GNG11: variants seen among roughly 807,000 people sequenced by gnomAD.
GNG11 encodes guanine nucleotide-binding protein G(I)/G(S)/G(O) subunit gamma-11.
GNG11 carries 6 observed loss-of-function variants against 7.4 expected under a neutral mutation model. The ratio of observed to expected loss-of-function variants is 0.81; its 90% CI spans 0.44 to 1.60. The LOEUF (loss-of-function observed/expected upper bound fraction) is 1.60. Among genes scored for constraint, GNG11 ranks in the 40% most tolerant of loss-of-function variants. GNG11 has a pLI of 0.01. For missense variants in GNG11, 65 were observed against 83.0 expected (o/e 0.78, Z 0.84); for synonymous variants, 31 against 25.9 (o/e 1.20, Z -0.60).
In GNG11 at chr7:93,921,876, AC is replaced by A; in HGVS notation, c.-259del. 1 of 319,420 alleles carries A rather than the reference AC, an allele frequency of 3.1e-6. No homozygotes were observed. Among genetic ancestry groups the A allele is most frequent in the Non-Finnish European group, 5.7e-6 (1 of 174,568 alleles). The allele number at this position is 319,420 out of a possible 1,614,324, so 19.8% of individuals were successfully genotyped here. A position where few individuals can be genotyped will look rare whatever the true frequency, so the allele number is the denominator to read the frequency against. On this transcript the variant is annotated 5_prime_UTR_variant, in exon 1 of 2. Transcript: ENST00000248564. ...GTCTCAAACTTAACCCTCATCTAGC[AC>A]CCGGGCAGGCCTCCTGGGTTGCAGG...
Position 93,928,527 on chromosome 7 carries a change from T to C in GNG11, c.*2311T>C, listed in dbSNP as rs1794712109. 2.0e-5 allele frequency: 3 copies of C among 152,378 alleles called. No homozygotes were observed. Among genetic ancestry groups the C allele is most frequent in the African/African-American group, 7.2e-5 (3 of 41,586 alleles). The allele number at this position is 152,378 out of a possible 1,614,324, so 9.4% of individuals were successfully genotyped here. A position where few individuals can be genotyped will look rare whatever the true frequency, so the allele number is the denominator to read the frequency against. On this transcript the variant is annotated 3_prime_UTR_variant, in exon 2 of 2. Coordinates refer to ENST00000248564, the MANE Select transcript of GNG11 (RefSeq NM_004126.4). ...CTTTGGTGACTGATAATTTGTTAAGTAGAATTTAAATTATGTATCCAATTT... is the reference window on the plus strand; with the variant it reads ...CTTTGGTGACTGATAATTTGTTAAGCAGAATTTAAATTATGTATCCAATTT...
Position 93,926,290 on chromosome 7 carries a change from T to A in GNG11, c.*74T>A, listed in dbSNP as rs1406434708. 25 of 1,118,004 alleles carry A rather than the reference T, an allele frequency of 2.2e-5. No homozygotes were observed. The Middle Eastern group carries it at 6.2e-4, about 28-fold the overall frequency. The allele number at this position is 1,118,004 out of a possible 1,614,324, so 69.3% of individuals were successfully genotyped here. On this transcript the variant is annotated 3_prime_UTR_variant, in exon 2 of 2. Transcript: ENST00000248564. Reference sequence around the variant, plus strand: ...GTTTTCCCAGATAAAACCAACATGCTTTTTAAGGAAGGAAGAATGAAATTA... The same window carrying A: ...GTTTTCCCAGATAAAACCAACATGCATTTTAAGGAAGGAAGAATGAAATTA...
intron 1 of GNG11, 147 bp downstream of exon 1, chr7:93,922,380 G>C: frequency 2.0e-6 from 1 of 488,402 alleles, no homozygotes; most frequent in Non-Finnish European, 3.8e-6. Flanking sequence ...AGTGCCTGGG[G>C]ACTGCCAGCT....
At chr7:93,922,324 T>C in intron 1 of GNG11, 91 bp downstream of exon 1, 1 of 693,974 alleles carries the variant, frequency 1.4e-6, no homozygotes, top group Non-Finnish European at 2.4e-6. Flanking sequence ...ATAGTTTAGC[T>C]TATTTTTCCC....
rs780472028 is a variant in GNG11, at chr7:93,922,192, G to A, written c.55G>A (p.Val19Ile). 1.5e-5 allele frequency: 24 copies of A among 1,596,362 alleles called. No individual in the cohort carries two copies. The highest frequency in any genetic ancestry group is 1.9e-5 in the Non-Finnish European group (22 of 1,168,096). ...LPEKEKLKME[V>I]EQLRKEVKLQ... is the part of the protein sequence containing the mutation. Reference sequence around the variant, plus strand: ...AGAGAAGGAAAAACTGAAAATGGAAGTTGAGCAGCTTCGCAAAGAAGTGAA... The same window carrying A: ...AGAGAAGGAAAAACTGAAAATGGAAATTGAGCAGCTTCGCAAAGAAGTGAA... Residue 19 changes from valine to isoleucine, a missense_variant, in exon 1 of 2, where the codon GTT (valine) becomes ATT (isoleucine). Val to Ile is a conservative substitution (Grantham distance 29). Transcript: ENST00000248564.
At chr7:93,922,623 A>G (rs568697846) in intron 1 of GNG11, among the ~76,000 whole-genome samples, 1 of 152,304 alleles carries the variant, frequency 6.6e-6, no homozygotes, top group Admixed American at 6.5e-5. Flanking sequence ...ATTTTCTAAA[A>G]CCGTATTTTA....
chr7:93,922,266 T>C (rs1171122173), intron 1 of GNG11, 33 bp downstream of exon 1: 2 of 1,302,396 alleles, frequency 1.5e-6, no homozygotes, highest in Non-Finnish European at 2.2e-6. Flanking sequence ...TTTCCTTCTC[T>C]GAAATGAAGC....
intron 1 of GNG11, among the ~76,000 whole-genome samples, chr7:93,923,766 A>G (rs921676118): frequency 6.6e-6 from 1 of 152,192 alleles, no homozygotes; most frequent in Non-Finnish European, 1.5e-5. Flanking sequence ...ATCATTCATT[A>G]GCAGTTTCTC....
In GNG11 at chr7:93,927,303, A is replaced by C. The variant is rs570991258; in HGVS notation, c.*1087A>C. The C allele has an allele frequency of 4.6e-5, 7 of 152,308 alleles. 2 individuals are homozygous for C. The highest frequency in any genetic ancestry group is 1.7e-4 in the African/African-American group (7 of 41,556). The allele number at this position is 152,308 out of a possible 1,614,324, so 9.4% of individuals were successfully genotyped here. A position where few individuals can be genotyped will look rare whatever the true frequency, so the allele number is the denominator to read the frequency against. On this transcript the variant is annotated 3_prime_UTR_variant, in exon 2 of 2. Coordinates refer to ENST00000248564, the MANE Select transcript of GNG11 (RefSeq NM_004126.4). ...CTTCCCTTCAGTGGTTTTATCCTGC[A>C]GGGCAACACGTCAGAGTATAACTCC...
At position 93,926,960 on chromosome 7, in the gene GNG11, T is replaced by TA. The variant is rs1427402871; in HGVS notation, c.*745dup. The TA allele has an allele frequency of 4.6e-5, 7 of 152,274 alleles. No individual in the cohort carries two copies. Among genetic ancestry groups the TA allele is most frequent in the African/African-American group, 1.7e-4 (7 of 41,472 alleles). The allele number at this position is 152,274 out of a possible 1,614,324, so 9.4% of individuals were successfully genotyped here. A position where few individuals can be genotyped will look rare whatever the true frequency, so the allele number is the denominator to read the frequency against. ...AGCCCTGGCTTTGAGAGCCAGTACT[T>TA]ATTCCTGCACAGAGCTACATCTCCC... On this transcript the variant is annotated 3_prime_UTR_variant, in exon 2 of 2. Coordinates refer to ENST00000248564, the MANE Select transcript of GNG11 (RefSeq NM_004126.4).
intron 1 of GNG11, 118 bp from the exon 2 acceptor site, chr7:93,925,973 A>G (rs1489998878): frequency 2.5e-6 from 1 of 397,416 alleles, no homozygotes; most frequent in Non-Finnish European, 4.5e-6. Flanking sequence ...ATATATATGT[A>G]AATGTAAAAA....
chr7:93,925,839 A>G (rs2115935597), intron 1 of GNG11, among the ~76,000 whole-genome samples: 1 of 152,182 alleles, frequency 6.6e-6, no homozygotes, highest in Non-Finnish European at 1.5e-5. Context: ...CCAACGACCA[A>G]CAGTAAGAAA....
chr7:93,924,171 T>C (rs923698775), intron 1 of GNG11, among the ~76,000 whole-genome samples: 3 of 152,230 alleles, frequency 2.0e-5, no homozygotes, highest in Admixed American at 2.0e-4. Flanking sequence ...GGGCTACGTG[T>C]TCAGTCCTTA....
At chr7:93,924,960 C>A (rs994619517) in intron 1 of GNG11, among the ~76,000 whole-genome samples, 1 of 152,138 alleles carries the variant, frequency 6.6e-6, no homozygotes, top group Non-Finnish European at 1.5e-5. Flanking sequence ...GTCAGGAGAT[C>A]AAGACCATGC....
chr7:93,925,147 G>A (rs1286387625), intron 1 of GNG11, among the ~76,000 whole-genome samples: 3 of 152,270 alleles, frequency 2.0e-5, no homozygotes, highest in Admixed American at 1.3e-4. Context: ...CTGGGCAATA[G>A]AGCAAGACTC....
At chr7:93,922,555 G>A (rs1159595927) in intron 1 of GNG11, among the ~76,000 whole-genome samples, 1 of 152,158 alleles carries the variant, frequency 6.6e-6, no homozygotes, top group Non-Finnish European at 1.5e-5. Flanking sequence ...GAAAAAAGCG[G>A]ATAGCTACTT....
chr7:93,923,362 C>G (rs1794639938), intron 1 of GNG11, among the ~76,000 whole-genome samples: 1 of 152,154 alleles, frequency 6.6e-6, no homozygotes, highest in Non-Finnish European at 1.5e-5. Context: ...CAAATCCCGG[C>G]TCTTCCTAGC....
intron 1 of GNG11, among the ~76,000 whole-genome samples, chr7:93,924,941 G>C (rs1480868271): frequency 6.6e-6 from 1 of 152,190 alleles, no homozygotes; most frequent in African/African-American, 2.4e-5. Context: ...AAGGCGGGCG[G>C]ATCACGAGGT....
intron 1 of GNG11, among the ~76,000 whole-genome samples, chr7:93,923,846 T>G (rs1794645089): frequency 6.6e-6 from 1 of 152,132 alleles, no homozygotes; most frequent in Non-Finnish European, 1.5e-5. Flanking sequence ...AAACCTCAAG[T>G]GTATGCCAGA....
Sources: allele counts gnomAD v4.1 joint callset (sites outside exome capture counted in the v4.1 genomes callset), GRCh38; gene constraint gnomAD v4.1.1; transcripts MANE v1.5; gene names NCBI Gene and HGNC (gene_info 2026-07-23, HGNC 2026-07-21).